Variants in HIVEP3 observed in about 807,000 individuals in gnomAD.
HIVEP3 encodes the protein HIVEP zinc finger 3.
In HIVEP3, 49 loss-of-function variants were observed where a neutral mutation model predicts 152.8. The observed-to-expected ratio is 0.32, with a 90% CI of 0.26 to 0.41. HIVEP3 has a LOEUF of 0.41. HIVEP3 is among the 10% of genes least tolerant of loss of function. The probability of loss-of-function intolerance (pLI) is 1.00; values close to 1 mark genes in which losing one functional copy is unlikely to be tolerated. For synonymous variants in HIVEP3, 1,269 were observed against 1,289.0 expected, an observed-to-expected ratio of 0.98 and a Z score of 0.33; for missense variants, 2,790 against 3,103.3, an observed-to-expected ratio of 0.90 and a Z score of 2.40.
Position 41,798,142 on chromosome 1 carries a change from G to A in HIVEP3, c.-800-97147C>T, listed in dbSNP as rs7533585. On this transcript the variant is annotated intron_variant, in intron 1 of 8. Transcript: ENST00000372583. The stretch of plus-strand genomic sequence containing the variant: ...CATCACATACCGGGGCCTGTCGTGG[G>A]GTGCGGGGAGTGGGGAGGGATAGCA... Among the ~76,000 whole-genome samples the A allele has an allele frequency of 3.7e-3, 569 of 152,220 alleles. 2 individuals are homozygous for A. Among genetic ancestry groups the A allele is most frequent in the African/African-American group, 0.013 (541 of 41,504 alleles).
intron 1 of HIVEP3, among the ~76,000 whole-genome samples, chr1:42,029,321 T>C (rs78507267): frequency 0.011 from 1,678 of 152,260 alleles, 31 homozygotes; most frequent in African/African-American, 0.039. Flanking sequence ...AGAAGGCTTA[T>C]TGAAAAGCAT....
At chr1:41,930,058 C>T (rs1226791513) in intron 1 of HIVEP3, among the ~76,000 whole-genome samples, 2 of 152,070 alleles carry the variant, frequency 1.3e-5, no homozygotes, top group East Asian at 3.9e-4. Context: ...TCCTCATCAT[C>T]TTCAATGAAT....
At position 41,567,400 on chromosome 1, in the gene HIVEP3, C is replaced by G. The variant is rs138782929; in HGVS notation, c.5207+8144G>C. Among the ~76,000 whole-genome samples the G allele has an allele frequency of 9.5e-3, 1,448 of 152,252 alleles. 23 individuals carry two copies. The highest frequency in any genetic ancestry group is 0.033 in the African/African-American group (1,366 of 41,540). On this transcript the variant is annotated intron_variant, in intron 5 of 8. Coordinates refer to ENST00000372583, the MANE Select transcript of HIVEP3 (RefSeq NM_024503.5). ...GTTATATTCCCCAGGAGAGAGGGGG[C>G]AACAGGATTTGGAGGTATAAAGAAA... is the stretch of plus-strand genomic sequence containing the variant.
At chr1:41,832,785 A>G (rs1643001620) in intron 1 of HIVEP3, among the ~76,000 whole-genome samples, 1 of 152,262 alleles carries the variant, frequency 6.6e-6, no homozygotes, top group Non-Finnish European at 1.5e-5. Context: ...GGAAACTGAG[A>G]CTGCCTAATA....
intron 5 of HIVEP3, among the ~76,000 whole-genome samples, chr1:41,562,594 CCTTT>C (rs1244854088): frequency 1.4e-4 from 13 of 90,018 alleles, no homozygotes; most frequent in African/African-American, 4.5e-4. Context: ...TTCCTTCCTT[CCTTT>C]CTTTCTCTCT....
At chr1:41,797,478 C>T (rs755738336) in intron 1 of HIVEP3, among the ~76,000 whole-genome samples, 10 of 152,020 alleles carry the variant, frequency 6.6e-5, no homozygotes, top group African/African-American at 1.2e-4. Context: ...GGAGGAAAGA[C>T]GGCTTTTAAA....
intron 1 of HIVEP3, among the ~76,000 whole-genome samples, chr1:41,712,503 G>A (rs1368521252): frequency 6.6e-6 from 1 of 152,228 alleles, no homozygotes. Flanking sequence ...CAGGGTAAGG[G>A]GACACTGGGC....
rs780834679 is a variant in HIVEP3 at position 41,583,858 on chromosome 1, A to G, written c.940T>C (p.Ser314Pro). Residue 314 changes from serine (S) to proline (P), a missense_variant, in exon 4 of 9, where the codon TCT becomes CCT. Transcript: ENST00000372583. This position sits in a 1 kb window ranked among gnomAD's most constrained non-coding sequence, Gnocchi z 6.9. ...TCGTGGCTGGAACTGTGGCTCCCAG[A>G]GCTGTATAGCCCGCTGGAGAGAAGG... ...QPLLSSGLYS[S>P]GSHSSSHERC... 1 of 1,612,322 alleles carries G rather than the reference A, an allele frequency of 6.2e-7. No individual in the cohort carries two copies. Among genetic ancestry groups the G allele is most frequent in the Middle Eastern group, 1.7e-4 (1 of 6,060 alleles).
intron 1 of HIVEP3, among the ~76,000 whole-genome samples, chr1:41,968,917 A>G (rs1645213811): frequency 6.6e-6 from 1 of 152,174 alleles, no homozygotes; most frequent in Non-Finnish European, 1.5e-5. Context: ...CACAAACAGC[A>G]GACAAGCAGA....
chr1:41,511,672 G>C lies in HIVEP3; in HGVS notation c.6406-406C>G, dbSNP rs1021199421. On this transcript the variant is annotated intron_variant, in intron 8 of 8. Transcript: ENST00000372583. This position sits in a 1 kb window ranked among gnomAD's most constrained non-coding sequence, Gnocchi z 4.9. ...CTCTTGGACATGAGTTCCCACCTGA[G>C]GCTCTTTGCCCTTCTGCTACCTCCA... 4.6e-5 allele frequency among the ~76,000 whole-genome samples: 7 copies of C among 152,122 alleles called. No homozygotes were observed. The highest frequency in any genetic ancestry group is 1.2e-4 in the African/African-American group (5 of 41,412).
In HIVEP3 at chr1:41,510,370, AGTGG is replaced by A; in HGVS notation, c.*77_*80del. 2.4e-6 allele frequency: 3 copies of A among 1,230,026 alleles called. No homozygotes were observed. Among genetic ancestry groups the A allele is most frequent in the Non-Finnish European group, 3.2e-6 (3 of 927,604 alleles). The allele number at this position is 1,230,026 out of a possible 1,614,324, so 76.2% of individuals were successfully genotyped here. ...ACGGAGGGACAGATGGGGCTGAGGAAGTGGGATGATTCGAGGAAAGTGGCTGGAA... is the reference window on the plus strand; with the variant it reads ...ACGGAGGGACAGATGGGGCTGAGGAAGATGATTCGAGGAAAGTGGCTGGAA... On this transcript the variant is annotated 3_prime_UTR_variant, in exon 9 of 9. Coordinates refer to ENST00000372583, the MANE Select transcript of HIVEP3 (RefSeq NM_024503.5).
Position 41,962,148 on chromosome 1 carries a change from A to G in HIVEP3, n.120-43624T>C, listed in dbSNP as rs551529284. 1.3e-3 allele frequency among the ~76,000 whole-genome samples: 205 copies of G among 152,388 alleles called. 1 individual carries two copies. Among genetic ancestry groups the G allele is most frequent in the Non-Finnish European group, 2.3e-3 (154 of 68,034 alleles). On this transcript the variant is annotated intron_variant and non_coding_transcript_variant, in intron 1 of 3. Coordinates refer to the HIVEP3 transcript ENST00000489103. ...AAGCTTCAAGAGATTCACTTAAGCC[A>G]GAAATATAGGAAAATAAACTGCAAT...
chr1:41,721,134 T>C (rs1489666070), intron 1 of HIVEP3, among the ~76,000 whole-genome samples: 4 of 152,208 alleles, frequency 2.6e-5, no homozygotes, highest in Non-Finnish European at 5.9e-5. Flanking sequence ...CATTTGCCTA[T>C]GATGAATGAT....
rs1438150782 is a variant in HIVEP3, at chr1:41,513,087, A to C, written c.6134T>G (p.Leu2045Arg). The change falls in exon 8 of 9, where the codon CTG becomes CGG. Residue 2045 changes from leucine to arginine, a missense_variant. Leu to Arg is a moderately radical substitution (Grantham distance 102). Transcript: ENST00000372583. ...PLTLCPLGRE[L>R]APRAHVLSKL... is the part of the protein sequence containing the mutation. ...GGAGAGCACATGTGCTCGAGGGGCCAGTTCTCTTCCCAGGGGGCAGAGGGT... is the reference window on the plus strand; with the variant it reads ...GGAGAGCACATGTGCTCGAGGGGCCCGTTCTCTTCCCAGGGGGCAGAGGGT... 4.3e-6 allele frequency: 7 copies of C among 1,613,928 alleles called. No homozygotes were observed. The highest frequency in any genetic ancestry group is 5.9e-6 in the Non-Finnish European group (7 of 1,180,034).
intron 3 of HIVEP3, among the ~76,000 whole-genome samples, chr1:41,620,148 T>A (rs191803430): frequency 6.6e-6 from 1 of 152,250 alleles, no homozygotes; most frequent in African/African-American, 2.4e-5. Context: ...CAGGGAGGCA[T>A]GCCAAACAGA....
intron 1 of HIVEP3, among the ~76,000 whole-genome samples, chr1:41,850,503 C>T (rs910812019): frequency 9.9e-5 from 15 of 152,278 alleles, no homozygotes; most frequent in Middle Eastern, 3.4e-3. Context: ...AAACCAGGAA[C>T]CCCAGCAGCA....
chr1:41,992,296 A>G (rs1036091967), intron 1 of HIVEP3, among the ~76,000 whole-genome samples: 1 of 152,106 alleles, frequency 6.6e-6, no homozygotes, highest in Non-Finnish European at 1.5e-5. Context: ...CAACTTCAGC[A>G]AAGTCTCAGG....
chr1:41,912,072 C>T (rs557446768), intron 1 of HIVEP3, among the ~76,000 whole-genome samples: 1 of 152,200 alleles, frequency 6.6e-6, no homozygotes, highest in Admixed American at 6.5e-5. Context: ...CACAAACACG[C>T]ATAACTAGAC....
intron 1 of HIVEP3, among the ~76,000 whole-genome samples, chr1:41,722,562 C>T (rs992589660): frequency 1.7e-4 from 25 of 148,518 alleles, no homozygotes; most frequent in African/African-American, 6.0e-4. Flanking sequence ...CCCTCCTTCC[C>T]TTCCTTCTGC....
Sources: allele counts gnomAD v4.1 joint callset (sites outside exome capture counted in the v4.1 genomes callset), GRCh38; gene constraint gnomAD v4.1.1; non-coding constraint Gnocchi (gnomAD v3.1); transcripts MANE v1.5; gene names NCBI Gene and HGNC (gene_info 2026-07-23, HGNC 2026-07-21).